The following PAK5 variants were observed in gnomAD, a reference collection of about 807,000 sequenced individuals.
PAK5 encodes p21 (RAC1) activated kinase 5, also known as serine/threonine-protein kinase PAK 5.
In PAK5, 16 loss-of-function variants were observed where a neutral mutation model predicts 65.9. The observed-to-expected ratio is 0.24, with a 90% CI of 0.16 to 0.37. PAK5 has a LOEUF of 0.37. Among genes scored for constraint, PAK5 ranks in the 10% least tolerant of loss-of-function variants. PAK5 has a pLI of 1.00. For missense variants in PAK5, 785 were observed against 903.9 expected (o/e 0.87, Z 1.69); for synonymous variants, 371 against 354.9 (o/e 1.05, Z -0.51).
intron 1 of PAK5, among the ~76,000 whole-genome samples, chr20:9,715,664 A>G (rs964157356): frequency 2.0e-5 from 3 of 151,998 alleles, no homozygotes; most frequent in Non-Finnish European, 2.9e-5. Flanking sequence ...CAACAATGAT[A>G]GACAGAATTA....
In PAK5 at chr20:9,747,049, A is replaced by G. The variant is rs1392208431; in HGVS notation, c.-161-35614T>C. Among the ~76,000 whole-genome samples, 3 of 152,220 alleles carry G rather than the reference A, an allele frequency of 2.0e-5. No homozygotes were observed. In the East Asian group the frequency reaches 5.8e-4, roughly 29 times the overall value. ...ATACAAATTACCATCAGAGAATACT[A>G]CAAACACCTCTACGCAAAAAAACTA... On this transcript the variant is annotated intron_variant, in intron 1 of 9. Coordinates refer to ENST00000353224, the MANE Select transcript of PAK5 (RefSeq NM_177990.4).
chr20:9,700,921 TAGG>T (rs960914763), intron 2 of PAK5, among the ~76,000 whole-genome samples: 33 of 152,286 alleles, frequency 2.2e-4, no homozygotes, highest in African/African-American at 7.9e-4. Context: ...GTTTAAAAAT[TAGG>T]AGGTTTTATA....
At chr20:9,820,575 C>G (rs1200646430) in intron 1 of PAK5, among the ~76,000 whole-genome samples, 1 of 152,162 alleles carries the variant, frequency 6.6e-6, no homozygotes, top group Admixed American at 6.5e-5. Flanking sequence ...AGCAACTGTA[C>G]GTGGAAGGTG....
intron 9 of PAK5, 123 bp downstream of exon 9, chr20:9,542,463 C>T: frequency 1.0e-6 from 1 of 978,610 alleles, no homozygotes; most frequent in South Asian, 1.3e-5. Flanking sequence ...TGACTATTTC[C>T]AAAGTCCATG....
chr20:9,806,635 C>T (rs1028605109), intron 1 of PAK5, among the ~76,000 whole-genome samples: 3 of 152,050 alleles, frequency 2.0e-5, no homozygotes, highest in African/African-American at 7.2e-5. Context: ...TTCACTAAGT[C>T]CTCTCCAATT....
At chr20:9,719,805 C>T (rs886743972) in intron 1 of PAK5, among the ~76,000 whole-genome samples, 7 of 152,148 alleles carry the variant, frequency 4.6e-5, no homozygotes, top group Non-Finnish European at 7.4e-5. Context: ...ATAACACCTA[C>T]TTACACAATT....
chr20:9,620,024 G>A (rs2046741301), intron 3 of PAK5, among the ~76,000 whole-genome samples: 1 of 152,156 alleles, frequency 6.6e-6, no homozygotes. Context: ...GTTGTCCAAG[G>A]ATGAGATGGA....
At chr20:9,604,003 G>A (rs928005976) in intron 3 of PAK5, among the ~76,000 whole-genome samples, 2 of 152,212 alleles carry the variant, frequency 1.3e-5, no homozygotes, top group African/African-American at 4.8e-5. Flanking sequence ...AATCCTATAA[G>A]ATTGGCAGAA....
At position 9,580,918 on chromosome 20, in the gene PAK5, C is replaced by A; in HGVS notation, c.217G>T (p.Gly73Ter). 1 of 1,585,008 alleles carries A rather than the reference C, an allele frequency of 6.3e-7. No individual in the cohort carries two copies. Among genetic ancestry groups the A allele is most frequent in the Non-Finnish European group, 8.6e-7 (1 of 1,167,118 alleles). The part of the protein sequence containing the change: ...QLAPMKTIVR[G>*]NKPCKETSIN... ...GAGGTTTCCTTGCAGGGTTTGTTTC[C>A]TCTAACGATTGTCTGGGAATAATAG... The change falls in exon 4 of 10, where the codon GGA (glycine) becomes TGA (stop). Residue 73 changes from glycine (G) to a stop codon, truncating the protein, a stop_gained. Coordinates refer to ENST00000353224, the MANE Select transcript of PAK5 (RefSeq NM_177990.4). LOFTEE classifies it high-confidence loss of function.
In PAK5 at chr20:9,727,415, A is replaced by G. The variant is rs898739575; in HGVS notation, c.-161-15980T>C. 3.3e-5 allele frequency among the ~76,000 whole-genome samples: 5 copies of G among 152,268 alleles called. No individual in the cohort carries two copies. In the South Asian group the frequency reaches 6.2e-4, roughly 19 times the overall value. ...GTCTGTCACACCATAAAAAGTTACT[A>G]TATTTTTCCCTTTGCAATCAATAAA... On this transcript the variant is annotated intron_variant, in intron 1 of 9. Transcript: ENST00000353224.
At chr20:9,644,637 G>T (rs957598368) in intron 2 of PAK5, among the ~76,000 whole-genome samples, 3 of 152,214 alleles carry the variant, frequency 2.0e-5, no homozygotes, top group African/African-American at 4.8e-5. Flanking sequence ...GTTCAGGGCA[G>T]AAGTTTTTGA....
intron 2 of PAK5, among the ~76,000 whole-genome samples, chr20:9,681,194 A>G (rs1310636754): frequency 6.6e-6 from 1 of 152,006 alleles, no homozygotes; most frequent in Admixed American, 6.6e-5. Context: ...TTTTATGTAA[A>G]CTTAGCTGTA....
chr20:9,611,658 TG>T (rs2046563305), intron 3 of PAK5, among the ~76,000 whole-genome samples: 2 of 152,188 alleles, frequency 1.3e-5, no homozygotes, highest in Admixed American at 6.5e-5. Flanking sequence ...CCTGTCTGTT[TG>T]TTTTTATTGT....
chr20:9,673,442 A>G (rs1358048961), intron 2 of PAK5, among the ~76,000 whole-genome samples: 1 of 152,216 alleles, frequency 6.6e-6, no homozygotes, highest in African/African-American at 2.4e-5. Flanking sequence ...AGCACTGGAA[A>G]TGTGGCTGCT....
At chr20:9,737,005 A>G (rs187947427) in intron 1 of PAK5, among the ~76,000 whole-genome samples, 1 of 152,266 alleles carries the variant, frequency 6.6e-6, no homozygotes, top group Non-Finnish European at 1.5e-5. Flanking sequence ...CTAAATCTTT[A>G]CTGAAAGAAA....
chr20:9,829,185 AC>A (rs1978512723), intron 1 of PAK5, among the ~76,000 whole-genome samples: 1 of 152,226 alleles, frequency 6.6e-6, no homozygotes, highest in Non-Finnish European at 1.5e-5. Flanking sequence ...TAATCATAAT[AC>A]CAAACACTGC....
intron 3 of PAK5, among the ~76,000 whole-genome samples, chr20:9,601,019 A>G (rs982504809): frequency 2.6e-5 from 4 of 152,176 alleles, no homozygotes; most frequent in Non-Finnish European, 4.4e-5. Context: ...AGTGTGTGTA[A>G]AGTGACTCCT....
chr20:9,655,000 A>G (rs2123311016), intron 2 of PAK5, among the ~76,000 whole-genome samples: 1 of 152,232 alleles, frequency 6.6e-6, no homozygotes, highest in African/African-American at 2.4e-5. Flanking sequence ...ACATGCATGA[A>G]CACATTCTGT....
intron 2 of PAK5, among the ~76,000 whole-genome samples, chr20:9,646,022 C>T (rs1252330071): frequency 6.6e-6 from 1 of 152,186 alleles, no homozygotes; most frequent in Non-Finnish European, 1.5e-5. Flanking sequence ...ATGCTTCCTG[C>T]TTTTTCATTA....
Sources: gnomAD v4.1 joint callset for allele counts (sites outside exome capture counted in the v4.1 genomes callset) on GRCh38, gnomAD v4.1.1 for gene constraint, MANE v1.5 for transcripts, NCBI Gene and HGNC (gene_info 2026-07-23, HGNC 2026-07-21) for gene names.